The following RBPJL variants were observed in gnomAD, a reference collection of about 807,000 sequenced individuals.
The protein encoded by RBPJL is recombination signal binding protein for immunoglobulin kappa J region like, also known as recombining binding protein suppressor of hairless-like protein.
Under a neutral mutation model 57.6 loss-of-function variants are expected in RBPJL, and 50 were observed. The observed-to-expected ratio is 0.87, with a 90% confidence interval of 0.69 to 1.10. RBPJL has a LOEUF of 1.10. RBPJL is among the 50% of genes least tolerant of loss of function. RBPJL has a pLI of 0.00. For missense variants in RBPJL, 684 were observed against 693.7 expected (o/e 0.99, Z 0.16); for synonymous variants, 303 against 294.4 (o/e 1.03, Z -0.30).
In RBPJL at chr20:45,309,707, A is replaced by G. The variant is rs1370245584; in HGVS notation, c.257+15A>G. 1 of 1,613,040 alleles carries G rather than the reference A, an allele frequency of 6.2e-7. No homozygotes were observed. Among genetic ancestry groups the G allele is most frequent in the Non-Finnish European group, 8.5e-7 (1 of 1,179,582 alleles). The stretch of plus-strand genomic sequence containing the variant: ...AATGAGAAGCGGTAGGTGCCTCCGC[A>G]GCCCCTCCCAGGTCTCTGCAACTGT... On this transcript the variant is annotated intron_variant, in intron 3 of 11. Coordinates refer to ENST00000343694, the MANE Select transcript of RBPJL (RefSeq NM_014276.4).
chr20:45,306,890 G>A lies in RBPJL; in HGVS notation c.-33G>A. On this transcript the variant is annotated 5_prime_UTR_variant, in exon 1 of 12. Coordinates refer to ENST00000343694, the MANE Select transcript of RBPJL (RefSeq NM_014276.4). ...CAGCACTGGACTCGTCCAGAGGGCG[G>A]CGGGTGAGCGGCTGGGGCCCCGTGG... is the stretch of plus-strand genomic sequence containing the variant. 1 of 1,256,440 alleles carries A rather than the reference G, an allele frequency of 8.0e-7. No individual in the cohort carries two copies. Among genetic ancestry groups the A allele is most frequent in the Non-Finnish European group, 1.0e-6 (1 of 992,938 alleles). The allele number at this position is 1,256,440 out of a possible 1,614,324, so 77.8% of individuals were successfully genotyped here. A position where few individuals can be genotyped will look rare whatever the true frequency, so the allele number is the denominator to read the frequency against.
At chr20:45,307,007 C>G in intron 1 of RBPJL, 63 bp downstream of exon 1, 7 of 1,005,224 alleles carry the variant, frequency 7.0e-6, no homozygotes, top group Non-Finnish European at 9.1e-6. Context: ...GACCACCCCC[C>G]CACCCCCTCC....
chr20:45,306,982 G>C (rs934366159), intron 1 of RBPJL, 38 bp downstream of exon 1: 3 of 1,232,924 alleles, frequency 2.4e-6, no homozygotes, highest in East Asian at 6.3e-5. Context: ...GAGACGCCCC[G>C]TGAGAACTAC....
At chr20:45,311,458 G>T (rs779800786) in intron 3 of RBPJL, 131 bp from the exon 4 acceptor site, 2 of 779,528 alleles carry the variant, frequency 2.6e-6, no homozygotes, top group Non-Finnish European at 4.3e-6. Context: ...GTTTACAGTC[G>T]TGAAAAAGCG....
chr20:45,309,745 C>A, intron 3 of RBPJL, 53 bp downstream of exon 3: 2 of 1,602,218 alleles, frequency 1.2e-6, no homozygotes, highest in Non-Finnish European at 1.7e-6. Context: ...GCCCTATGCA[C>A]CTCCTCCATC....
intron 3 of RBPJL, among the ~76,000 whole-genome samples, chr20:45,311,192 A>G (rs1175147915): frequency 7.7e-6 from 1 of 130,692 alleles, no homozygotes; most frequent in Non-Finnish European, 1.6e-5. Flanking sequence ...AGAAAGAGAG[A>G]GGAAGGAAGG....
intron 1 of RBPJL, among the ~76,000 whole-genome samples, chr20:45,307,519 C>T (rs1986833126): frequency 6.6e-6 from 1 of 152,198 alleles, no homozygotes; most frequent in African/African-American, 2.4e-5. Context: ...CCCTGGACAG[C>T]ATGAGGGCTA....
chr20:45,316,376 G>A, intron 10 of RBPJL, 34 bp downstream of exon 10: 5 of 1,610,028 alleles, frequency 3.1e-6, no homozygotes, highest in Non-Finnish European at 4.2e-6. Context: ...TGGGCAGGGG[G>A]ACCCTGCCTG....
Position 45,316,047 on chromosome 20 carries a change from G to C in RBPJL, c.1021-140G>C, listed in dbSNP as rs915504499. 5 of 709,452 alleles carry C rather than the reference G, an allele frequency of 7.0e-6. No homozygotes were observed. The African/African-American group carries it at 8.9e-5, about 13-fold the overall frequency. The allele number at this position is 709,452 out of a possible 1,614,324, so 43.9% of individuals were successfully genotyped here. On this transcript the variant is annotated intron_variant, in intron 9 of 11. Coordinates refer to ENST00000343694, the MANE Select transcript of RBPJL (RefSeq NM_014276.4). ...GAGAGAACTTAAGGGCACTGTCCAA[G>C]CTGAGGGGACAAGTGAACCCCAGAG...
rs781709691 is a variant in RBPJL, at chr20:45,308,259, C to A, written c.131+8C>A. ...CCCGGGCACTTGGACCAGGTAACGGCGGCGTGGCAGCGTGCCCTAGGTGGG... is the reference window on the plus strand; with the variant it reads ...CCCGGGCACTTGGACCAGGTAACGGAGGCGTGGCAGCGTGCCCTAGGTGGG... On this transcript the variant is annotated splice_region_variant and intron_variant, in intron 2 of 11. Coordinates refer to ENST00000343694, the MANE Select transcript of RBPJL (RefSeq NM_014276.4). 2 of 1,591,192 alleles carry A rather than the reference C, an allele frequency of 1.3e-6. No homozygotes were observed. Among genetic ancestry groups the A allele is most frequent in the East Asian group, 4.5e-5 (2 of 44,730 alleles).
At position 45,311,866 on chromosome 20, in the gene RBPJL, C is replaced by T. The variant is rs1482945754; in HGVS notation, c.356C>T (p.Thr119Met). ...QAHQAGETGP[T>M]VCGYMGLDSA... ...CACCAGGCGGGGGAAACGGGGCCCA[C>T]GGTCTGCGGTTACATGGGACTGGAC... is the stretch of plus-strand genomic sequence containing the variant. Residue 119 changes from threonine to methionine, a missense_variant, in exon 5 of 12, where the codon ACG (threonine) becomes ATG (methionine). Transcript: ENST00000343694. 1.1e-5 allele frequency: 17 copies of T among 1,551,696 alleles called. No homozygotes were observed. The highest frequency in any genetic ancestry group is 3.6e-5 in the South Asian group (3 of 84,108).
chr20:45,313,216 G>T (rs1987278006), intron 6 of RBPJL, among the ~76,000 whole-genome samples: 1 of 152,008 alleles, frequency 6.6e-6, no homozygotes, highest in Non-Finnish European at 1.5e-5. Flanking sequence ...AAAGTCCAAG[G>T]AACCAAGCCA....
At chr20:45,308,121 C>T in intron 1 of RBPJL, 22 bp from the exon 2 acceptor site, 3 of 1,570,036 alleles carry the variant, frequency 1.9e-6, no homozygotes, top group Non-Finnish European at 2.6e-6. Context: ...CCTGACCTGG[C>T]TTGATGCCTA....
Position 45,316,735 on chromosome 20 carries a change from A to G in RBPJL, c.1330A>G (p.Ser444Gly). 6.2e-7 allele frequency: 1 copy of G among 1,613,022 alleles called. No individual in the cohort carries two copies. The highest frequency in any genetic ancestry group is 8.5e-7 in the Non-Finnish European group (1 of 1,179,550). Reference sequence around the variant, plus strand: ...GGTGCCGGACGTGGCGGCCTTCTGCAGCGACTGGCGCTGGCTGCGCGCTCC... The same window carrying G: ...GGTGCCGGACGTGGCGGCCTTCTGCGGCGACTGGCGCTGGCTGCGCGCTCC... Reference protein sequence around the residue: ...CVVPDVAAFCSDWRWLRAPIT... With the variant: ...CVVPDVAAFCGDWRWLRAPIT... Residue 444 changes from serine (S) to glycine (G), a missense_variant, in exon 12 of 12, where the codon AGC (serine) becomes GGC (glycine). Ser to Gly is a moderately conservative substitution (Grantham distance 56). Transcript: ENST00000343694.
intron 2 of RBPJL, 99 bp downstream of exon 2, chr20:45,308,350 A>AGGGGAATT: frequency 1.3e-6 from 1 of 764,782 alleles, no homozygotes. Context: ...GCGGGTGGGG[A>AGGGGAATT]GGGGAAGTGC....
In RBPJL at chr20:45,317,262, C is replaced by T; in HGVS notation, c.*303C>T. On this transcript the variant is annotated 3_prime_UTR_variant, in exon 12 of 12. Transcript: ENST00000343694. ...TCTCTCTCTCCCTTCCCCCTCAGTA[C>T]TTAGTCTACAGACCTATGTGCGTGT... is the stretch of plus-strand genomic sequence containing the variant. 1 of 491,386 alleles carries T rather than the reference C, an allele frequency of 2.0e-6. No homozygotes were observed. Among genetic ancestry groups the T allele is most frequent in the Non-Finnish European group, 3.6e-6 (1 of 277,020 alleles). The allele number at this position is 491,386 out of a possible 1,614,324, so 30.4% of individuals were successfully genotyped here. A position where few individuals can be genotyped will look rare whatever the true frequency, so the allele number is the denominator to read the frequency against.
Position 45,317,113 on chromosome 20 carries a change from C to A in RBPJL, c.*154C>A. On this transcript the variant is annotated 3_prime_UTR_variant, in exon 12 of 12. Transcript: ENST00000343694. ...TAGAAACCGGGCCTGGTGGGTCTTA[C>A]CCGGCTCACTCCCTCCCTTGTCCTT... The A allele has an allele frequency of 1.2e-6, 1 of 836,372 alleles. No homozygotes were observed. The highest frequency in any genetic ancestry group is 1.8e-6 in the Non-Finnish European group (1 of 545,084). 51.8% of individuals were successfully genotyped at this position (836,372 alleles called of 1,614,324 possible).
chr20:45,317,076 G>A lies in RBPJL; in HGVS notation c.*117G>A. 2 of 1,301,406 alleles carry A rather than the reference G, an allele frequency of 1.5e-6. No homozygotes were observed. The highest frequency in any genetic ancestry group is 2.1e-6 in the Non-Finnish European group (2 of 951,516). 80.6% of individuals were successfully genotyped at this position (1,301,406 alleles called of 1,614,324 possible). Reference sequence around the variant, plus strand: ...GCCCCTTTGCTGCAGAAGGGCAGCTGAAGGCTCACCCTAGAAACCGGGCCT... The same window carrying A: ...GCCCCTTTGCTGCAGAAGGGCAGCTAAAGGCTCACCCTAGAAACCGGGCCT... On this transcript the variant is annotated 3_prime_UTR_variant, in exon 12 of 12. Transcript: ENST00000343694.
chr20:45,309,133 C>T (rs1987001747), intron 2 of RBPJL, among the ~76,000 whole-genome samples: 1 of 152,018 alleles, frequency 6.6e-6, no homozygotes, highest in Non-Finnish European at 1.5e-5. Context: ...CCTCCTCACC[C>T]CCCACCCTGC....
Sources: gnomAD v4.1 joint callset for allele counts (sites outside exome capture counted in the v4.1 genomes callset) on GRCh38, gnomAD v4.1.1 for gene constraint, MANE v1.5 for transcripts, NCBI Gene and HGNC (gene_info 2026-07-23, HGNC 2026-07-21) for gene names.